The following TENM2 variants were observed in gnomAD, a reference collection of about 807,000 sequenced individuals.
The protein encoded by TENM2 is teneurin transmembrane protein 2, also known as teneurin-2.
TENM2 carries 52 observed loss-of-function variants against 245.2 expected under a neutral mutation model. The observed-to-expected ratio is 0.21, with a 90% CI of 0.17 to 0.27. The LOEUF (loss-of-function observed/expected upper bound fraction) is 0.27. TENM2 is among the 10% of genes least tolerant of loss of function. TENM2 has a pLI of 1.00. For missense variants in TENM2, 3,046 were observed against 3,666.8 expected (o/e 0.83, Z 4.37); for synonymous variants, 1,363 against 1,438.9 (o/e 0.95, Z 1.19).
chr5:167,048,085 A>G, the TENM2 span, among the ~76,000 whole-genome samples: 1 of 151,422 alleles, frequency 6.6e-6, no homozygotes, highest in Admixed American at 6.6e-5. Context: ...GAAATTTTCA[A>G]AAAAAATCTA....
intron 2 of TENM2, among the ~76,000 whole-genome samples, chr5:167,438,816 G>A (rs762415899): frequency 1.1e-4 from 16 of 151,152 alleles, no homozygotes; most frequent in East Asian, 8.0e-4. Flanking sequence ...TTTTTGAGAC[G>A]GACCTTCGCT....
the TENM2 span, among the ~76,000 whole-genome samples, chr5:167,228,961 A>G: frequency 1.3e-5 from 2 of 152,058 alleles, no homozygotes; most frequent in African/African-American, 4.8e-5. Flanking sequence ...CGCCCTCCCA[A>G]AGTGCTGGGA....
In TENM2 at chr5:167,407,797, G is replaced by C. The variant is rs1472458988; in HGVS notation, c.502+32324G>C. Among the ~76,000 whole-genome samples the C allele has an allele frequency of 2.6e-5, 4 of 152,108 alleles. 1 individual carries two copies. Among genetic ancestry groups the C allele is most frequent in the Admixed American group, 1.3e-4 (2 of 15,276 alleles). On this transcript the variant is annotated intron_variant, in intron 2 of 28. Coordinates refer to ENST00000518659, the Ensembl canonical transcript of TENM2. ...ATGCCAGTGTACTCCAGCCTGGGCAGCAGACTGAGACTCTGTCTCAACAAT... is the reference window on the plus strand; with the variant it reads ...ATGCCAGTGTACTCCAGCCTGGGCACCAGACTGAGACTCTGTCTCAACAAT...
In TENM2 at chr5:167,850,656, C is replaced by T. The variant is rs147225510; in HGVS notation, c.503-25330C>T. Among the ~76,000 whole-genome samples the T allele has an allele frequency of 1.5e-3, 233 of 152,220 alleles. 2 individuals carry two copies. The highest frequency in any genetic ancestry group is 1.4e-3 in the South Asian group (7 of 4,828). Reference sequence around the variant, plus strand: ...AAAGCAATAAATATGAAACAGGAAACGCTGGTAAATAACTTCCTGGGGACT... The same window carrying T: ...AAAGCAATAAATATGAAACAGGAAATGCTGGTAAATAACTTCCTGGGGACT... On this transcript the variant is annotated intron_variant, in intron 2 of 28. Transcript: ENST00000518659.
At chr5:167,791,023 G>A (rs1003809118) in intron 2 of TENM2, among the ~76,000 whole-genome samples, 1 of 152,158 alleles carries the variant, frequency 6.6e-6, no homozygotes, top group African/African-American at 2.4e-5. Flanking sequence ...TCATGGCCAT[G>A]CATGTCTCTG....
intron 2 of TENM2, among the ~76,000 whole-genome samples, chr5:167,527,061 C>T (rs1000023335): frequency 6.6e-6 from 1 of 152,092 alleles, no homozygotes; most frequent in African/African-American, 2.4e-5. Flanking sequence ...AGGAATTCCA[C>T]ACTCTCTCCC....
At chr5:167,977,929 C>CATGA (rs1401273604) in intron 4 of TENM2, among the ~76,000 whole-genome samples, 1 of 152,148 alleles carries the variant, frequency 6.6e-6, no homozygotes, top group African/African-American at 2.4e-5. Flanking sequence ...GGGGGTGGAT[C>CATGA]TCTCATGATC....
At chr5:167,875,795 A>G (rs988290587) in intron 2 of TENM2, among the ~76,000 whole-genome samples, 191 bp from the exon 5 acceptor site, 1 of 152,158 alleles carries the variant, frequency 6.6e-6, no homozygotes, top group Non-Finnish European at 1.5e-5. Context: ...GAAATATGCA[A>G]CTACCTAAAA....
chr5:167,465,498 A>G (rs1766584123), intron 2 of TENM2, among the ~76,000 whole-genome samples: 2 of 152,210 alleles, frequency 1.3e-5, no homozygotes, highest in Admixed American at 1.3e-4. Flanking sequence ...TGAAAGTATT[A>G]TTAATCTGAT....
chr5:167,118,274 G>A, the TENM2 span, among the ~76,000 whole-genome samples: 698 of 152,272 alleles, frequency 4.6e-3, 6 homozygotes, highest in African/African-American at 0.016. Flanking sequence ...ACTGACAGAG[G>A]AGAGAGAGAA....
chr5:168,156,247 T>TAAAAA (rs58825054), intron 12 of TENM2, among the ~76,000 whole-genome samples: 1,188 of 80,774 alleles, frequency 0.015, 43 homozygotes, highest in African/African-American at 0.022. Flanking sequence ...TCCCCATAGT[T>TAAAAA]AAAAAAAAAA....
Position 167,365,010 on chromosome 5 carries a change from T to C in TENM2, c.227-10188T>C, listed in dbSNP as rs1187208824. Reference sequence around the variant, plus strand: ...ACACGAGAATTCTCGTATCACATTATTTTTCAAGGAAAAACTCTGCAATAT... The same window carrying C: ...ACACGAGAATTCTCGTATCACATTACTTTTCAAGGAAAAACTCTGCAATAT... On this transcript the variant is annotated intron_variant, in intron 1 of 28. Transcript: ENST00000518659. 3.3e-5 allele frequency among the ~76,000 whole-genome samples: 5 copies of C among 152,032 alleles called. No homozygotes were observed. The East Asian group carries it at 9.6e-4, about 29-fold the overall frequency.
chr5:167,668,321 T>C lies in TENM2; in HGVS notation c.503-207665T>C, dbSNP rs142386530. ...CCTTGTTTAACAGAGACTTACCTTG[T>C]GATATCAAGGTTTGTTGTCTGATTT... On this transcript the variant is annotated intron_variant, in intron 2 of 28. Transcript: ENST00000518659. Among the ~76,000 whole-genome samples, 660 of 152,300 alleles carry C rather than the reference T, an allele frequency of 4.3e-3. 3 individuals are homozygous for C. Among genetic ancestry groups the C allele is most frequent in the Non-Finnish European group, 6.2e-3 (423 of 68,012 alleles).
At chr5:168,084,128 G>C (rs1286673611) in intron 7 of TENM2, among the ~76,000 whole-genome samples, 1 of 152,180 alleles carries the variant, frequency 6.6e-6, no homozygotes, top group African/African-American at 2.4e-5. Context: ...GTATTCCGTG[G>C]TGTATATGTA....
chr5:167,011,697 G>A, the TENM2 span, among the ~76,000 whole-genome samples: 4 of 152,298 alleles, frequency 2.6e-5, no homozygotes, highest in African/African-American at 9.6e-5. Context: ...AGACTACCCA[G>A]GGAGGTAGAG....
chr5:167,982,733 C>A (rs1427230551), intron 4 of TENM2, among the ~76,000 whole-genome samples: 3 of 152,158 alleles, frequency 2.0e-5, no homozygotes, highest in Non-Finnish European at 2.9e-5. Context: ...CTTCAGCAGA[C>A]TTTTTGAGCA....
chr5:168,216,149 T>C (rs1763174241), intron 21 of TENM2, among the ~76,000 whole-genome samples: 2 of 152,164 alleles, frequency 1.3e-5, no homozygotes, highest in Admixed American at 6.5e-5. Context: ...CAAAGCCTTG[T>C]ACTTGGGCAC....
At chr5:167,123,285 A>C in the TENM2 span, among the ~76,000 whole-genome samples, 1 of 152,220 alleles carries the variant, frequency 6.6e-6, no homozygotes, top group East Asian at 1.9e-4. Flanking sequence ...GTGCCACTGC[A>C]GTGCAGCCTG....
chr5:167,965,632 A>G (rs565491993), intron 4 of TENM2: 1 of 152,196 alleles, frequency 6.6e-6, no homozygotes, highest in Non-Finnish European at 1.5e-5. Context: ...TTTATTTCAC[A>G]CAATCATATA....
Sources: gnomAD v4.1 joint callset for allele counts (sites outside exome capture counted in the v4.1 genomes callset) on GRCh38, gnomAD v4.1.1 for gene constraint, MANE v1.5 for transcripts, NCBI Gene and HGNC (gene_info 2026-07-23, HGNC 2026-07-21) for gene names.